Variants in TUSC3 observed in about 807,000 individuals in gnomAD.
TUSC3 encodes the protein tumor suppressor candidate 3, also known as dolichyl-diphosphooligosaccharide--protein glycosyltransferase subunit TUSC3.
A neutral mutation model predicts 44.8 loss-of-function variants in TUSC3; 45 were observed. The ratio of observed to expected loss-of-function variants is 1.00; its 90% confidence interval spans 0.79 to 1.29. The LOEUF is 1.29. TUSC3 is among the 50% of genes most tolerant of loss of function. TUSC3 has a pLI of 0.00. For synonymous variants in TUSC3, 212 were observed against 152.9 expected (o/e 1.39, Z -2.85); for missense variants, 519 against 437.9 (o/e 1.19, Z -1.65).
intron 1 of TUSC3, among the ~76,000 whole-genome samples, chr8:15,434,513 A>C (rs1214656034): frequency 6.9e-6 from 1 of 145,144 alleles, no homozygotes; most frequent in Admixed American, 7.4e-5. Context: ...CTATGTGCTC[A>C]AATTATAAAG....
Position 15,596,589 on chromosome 8 carries a change from A to G in TUSC3, c.139-26491A>G, listed in dbSNP as rs568452509. Reference sequence around the variant, plus strand: ...ATAATTTTCAGATACTGTGGGGCACACTGTAAGTTGTAACCTTAATTTTTA... The same window carrying G: ...ATAATTTTCAGATACTGTGGGGCACGCTGTAAGTTGTAACCTTAATTTTTA... On this transcript the variant is annotated intron_variant, in intron 1 of 10. Coordinates refer to ENST00000503731, the MANE Select transcript of TUSC3 (RefSeq NM_006765.4). 3.9e-5 allele frequency among the ~76,000 whole-genome samples: 6 copies of G among 152,310 alleles called. No homozygotes were observed. In the South Asian group the frequency reaches 1.2e-3, roughly 32 times the overall value.
At chr8:15,645,964 G>T (rs1252540876) in intron 2 of TUSC3, among the ~76,000 whole-genome samples, 4 of 151,978 alleles carry the variant, frequency 2.6e-5, no homozygotes, top group African/African-American at 9.7e-5. Context: ...TATAGTGGCT[G>T]GCTATGAAAC....
chr8:15,464,580 C>T (rs1290303426), intron 1 of TUSC3, among the ~76,000 whole-genome samples: 1 of 152,092 alleles, frequency 6.6e-6, no homozygotes, highest in Non-Finnish European at 1.5e-5. Flanking sequence ...GTTGTATCAT[C>T]CTAATATATC....
At chr8:15,566,979 A>G (rs1802702725) in intron 1 of TUSC3, among the ~76,000 whole-genome samples, 1 of 152,148 alleles carries the variant, frequency 6.6e-6, no homozygotes, top group African/African-American at 2.4e-5. Flanking sequence ...ACTTAGTGAT[A>G]ACCACCAGGA....
At chr8:15,651,481 G>A (rs1806901853) in intron 3 of TUSC3, among the ~76,000 whole-genome samples, 1 of 152,166 alleles carries the variant, frequency 6.6e-6, no homozygotes, top group Non-Finnish European at 1.5e-5. Flanking sequence ...GGGCCTTGAA[G>A]GAAGTAATTA....
rs140119753 is a variant in TUSC3 at position 15,657,793 on chromosome 8, G to A, written c.427-1714G>A. 2.6e-5 allele frequency among the ~76,000 whole-genome samples: 4 copies of A among 152,258 alleles called. No individual in the cohort carries two copies. In the East Asian group the frequency reaches 7.7e-4, roughly 29 times the overall value. On this transcript the variant is annotated intron_variant, in intron 3 of 10. Transcript: ENST00000503731. ...GCCTCTGAGACCAGTGTTTGTCTTAGTCCATTTTGGGCTGCTGTAACGGAA... is the reference window on the plus strand; with the variant it reads ...GCCTCTGAGACCAGTGTTTGTCTTAATCCATTTTGGGCTGCTGTAACGGAA...
At chr8:15,779,887 A>T in the TUSC3 span, among the ~76,000 whole-genome samples, 2 of 152,210 alleles carry the variant, frequency 1.3e-5, no homozygotes, top group African/African-American at 4.8e-5. Flanking sequence ...TGTCATACTT[A>T]ATGGTGAAAG....
chr8:15,685,257 T>G (rs1457665491), intron 6 of TUSC3, among the ~76,000 whole-genome samples: 1 of 152,018 alleles, frequency 6.6e-6, no homozygotes, highest in Non-Finnish European at 1.5e-5. Flanking sequence ...GCTGCCGAAA[T>G]TCCTTCACTC....
the TUSC3 span, among the ~76,000 whole-genome samples, chr8:15,824,085 TAGA>T: frequency 6.6e-6 from 1 of 152,174 alleles, no homozygotes; most frequent in Non-Finnish European, 1.5e-5. Context: ...AGCTGCATTT[TAGA>T]AGGAGGAAGA....
chr8:15,806,016 C>A, the TUSC3 span: 1 of 209,944 alleles, frequency 4.8e-6, no homozygotes, highest in East Asian at 1.4e-4. Flanking sequence ...CTGAAGTTCT[C>A]TGGTGTGATC....
At chr8:15,447,744 G>A (rs1216193234) in intron 1 of TUSC3, among the ~76,000 whole-genome samples, 2 of 148,360 alleles carry the variant, frequency 1.3e-5, no homozygotes, top group Non-Finnish European at 3.0e-5. Context: ...GAAGGTTACC[G>A]CCACCTCTCT....
intron 5 of TUSC3, among the ~76,000 whole-genome samples, chr8:15,667,298 A>G (rs1208403270): frequency 6.6e-6 from 1 of 151,642 alleles, no homozygotes; most frequent in African/African-American, 2.4e-5. Context: ...TAACTAAAGC[A>G]GTATATAGAT....
chr8:15,544,837 G>C (rs2129134139), intron 1 of TUSC3, among the ~76,000 whole-genome samples: 1 of 151,904 alleles, frequency 6.6e-6, no homozygotes, highest in Admixed American at 6.6e-5. Flanking sequence ...ATTTCACTTA[G>C]GTTAGATTGT....
At chr8:15,780,798 C>G in the TUSC3 span, among the ~76,000 whole-genome samples, 2 of 152,140 alleles carry the variant, frequency 1.3e-5, no homozygotes, top group Non-Finnish European at 2.9e-5. Flanking sequence ...GAGGGGCTAG[C>G]TGCATGCTAA....
At chr8:15,733,299 T>A (rs1366494530) in intron 7 of TUSC3, 1 of 356,906 alleles carries the variant, frequency 2.8e-6, no homozygotes, top group Non-Finnish European at 5.4e-6. Context: ...CATAAAGCAT[T>A]TGTTGCAGGT....
At chr8:15,699,570 A>G (rs1585244202) in intron 6 of TUSC3, among the ~76,000 whole-genome samples, 3 of 152,354 alleles carry the variant, frequency 2.0e-5, no homozygotes, top group Admixed American at 6.5e-5. Flanking sequence ...GATTATATGC[A>G]GAAACTTATT....
the TUSC3 span, among the ~76,000 whole-genome samples, chr8:15,812,968 A>G: frequency 6.2e-4 from 94 of 151,890 alleles, 1 homozygote; most frequent in Non-Finnish European, 1.1e-3. Context: ...GTGGCATGTG[A>G]CTGTAGTCCC....
chr8:15,691,219 T>G (rs772762215), intron 6 of TUSC3, among the ~76,000 whole-genome samples: 5 of 152,098 alleles, frequency 3.3e-5, no homozygotes, highest in Non-Finnish European at 7.4e-5. Context: ...TCAGAGGTCT[T>G]TTACCTCCCT....
intron 2 of TUSC3, among the ~76,000 whole-genome samples, chr8:15,508,716 G>A (rs577115840): frequency 9.9e-5 from 15 of 152,094 alleles, no homozygotes; most frequent in Admixed American, 7.2e-4. Flanking sequence ...CCGCCTGGGC[G>A]TCCCAAAGTG....
Sources: allele counts gnomAD v4.1 joint callset (sites outside exome capture counted in the v4.1 genomes callset), GRCh38; gene constraint gnomAD v4.1.1; transcripts MANE v1.5; gene names NCBI Gene and HGNC (gene_info 2026-07-23, HGNC 2026-07-21).